Variants in IGF2BP2 observed in about 807,000 individuals in gnomAD.
The protein encoded by IGF2BP2 is insulin like growth factor 2 mRNA binding protein 2.
IGF2BP2 carries 17 observed loss-of-function variants against 75.8 expected under a neutral mutation model. That is an observed-to-expected ratio of 0.22 (90% confidence interval 0.15 to 0.34). IGF2BP2 has a LOEUF of 0.34. Ranked by LOEUF, IGF2BP2 falls within the 10% of genes least tolerant of loss-of-function variation. IGF2BP2 has a pLI of 1.00. For missense variants in IGF2BP2, 516 were observed against 772.4 expected (o/e 0.67, Z 3.93); for synonymous variants, 288 against 295.6 (o/e 0.97, Z 0.26).
intron 7 of IGF2BP2, among the ~76,000 whole-genome samples, chr3:185,681,992 A>G (rs1169523327): frequency 6.6e-6 from 1 of 152,260 alleles, no homozygotes; most frequent in Non-Finnish European, 1.5e-5. Context: ...GATATTGGAC[A>G]TGGCAAAGAC....
intron 2 of IGF2BP2, among the ~76,000 whole-genome samples, chr3:185,767,384 C>G (rs1300127067): frequency 6.6e-6 from 1 of 152,192 alleles, no homozygotes; most frequent in Non-Finnish European, 1.5e-5. Context: ...CAACTTCCCA[C>G]CATCATTACT....
intron 2 of IGF2BP2, among the ~76,000 whole-genome samples, chr3:185,754,075 GGT>G (rs2149652819): frequency 6.6e-6 from 1 of 152,138 alleles, no homozygotes; most frequent in South Asian, 2.1e-4. Flanking sequence ...TGGGTGTTGT[GGT>G]GTGTAGCTGT....
In IGF2BP2 at chr3:185,732,258, C is replaced by T. The variant is rs116057748; in HGVS notation, c.240-33911G>A. Among the ~76,000 whole-genome samples, 676 of 152,252 alleles carry T rather than the reference C, an allele frequency of 4.4e-3. 5 individuals are homozygous for T. The highest frequency in any genetic ancestry group is 0.016 in the African/African-American group (648 of 41,532). The stretch of plus-strand genomic sequence containing the variant: ...TAGAATTTTTTCTTAATCCTGGTAC[C>T]TTCCTCAGTACTTGGCATGCAGAGC... On this transcript the variant is annotated intron_variant, in intron 2 of 15. Coordinates refer to ENST00000382199, the MANE Select transcript of IGF2BP2 (RefSeq NM_006548.6).
intron 2 of IGF2BP2, among the ~76,000 whole-genome samples, chr3:185,787,825 G>A (rs980811387): frequency 6.6e-6 from 1 of 152,036 alleles, no homozygotes; most frequent in African/African-American, 2.4e-5. Context: ...CAGGATGGAT[G>A]CTGTTTTCTC....
chr3:185,744,603 T>C (rs1173821670), intron 2 of IGF2BP2, among the ~76,000 whole-genome samples: 1 of 151,940 alleles, frequency 6.6e-6, no homozygotes, highest in East Asian at 1.9e-4. Flanking sequence ...AGGCCAGGAG[T>C]TTGAGACTAG....
intron 2 of IGF2BP2, among the ~76,000 whole-genome samples, chr3:185,757,380 G>A (rs1054796271): frequency 5.3e-4 from 79 of 149,974 alleles, no homozygotes; most frequent in African/African-American, 1.8e-3. Context: ...AAACAGGGTT[G>A]TTGTTTTTAT....
chr3:185,781,965 T>C (rs1735264223), intron 2 of IGF2BP2, among the ~76,000 whole-genome samples: 1 of 152,174 alleles, frequency 6.6e-6, no homozygotes, highest in African/African-American at 2.4e-5. Flanking sequence ...TTGAAATATT[T>C]TTTTTTAGAA....
intron 2 of IGF2BP2, among the ~76,000 whole-genome samples, chr3:185,728,086 C>G (rs1464538556): frequency 6.6e-6 from 1 of 152,156 alleles, no homozygotes. Context: ...TTACGTATAC[C>G]TGAACTATGT....
intron 2 of IGF2BP2, among the ~76,000 whole-genome samples, chr3:185,814,684 G>C (rs966885041): frequency 1.3e-5 from 2 of 152,082 alleles, no homozygotes; most frequent in African/African-American, 4.8e-5. Context: ...AAAAAGCATG[G>C]CGTCTATCTA....
intron 9 of IGF2BP2, among the ~76,000 whole-genome samples, chr3:185,674,271 G>A (rs1348061036): frequency 6.6e-6 from 1 of 152,184 alleles, no homozygotes; most frequent in Non-Finnish European, 1.5e-5. Flanking sequence ...GGGTTTAGAG[G>A]AAACAAAACA....
At chr3:185,721,095 G>C (rs536064964) in intron 2 of IGF2BP2, among the ~76,000 whole-genome samples, 3 of 152,152 alleles carry the variant, frequency 2.0e-5, no homozygotes, top group African/African-American at 7.2e-5. Flanking sequence ...AGCCCCAGGC[G>C]TCTTAATTAA....
intron 7 of IGF2BP2, among the ~76,000 whole-genome samples, chr3:185,683,629 A>G (rs1221039366): frequency 6.6e-6 from 1 of 152,070 alleles, no homozygotes; most frequent in Non-Finnish European, 1.5e-5. Context: ...GGCCAATCTC[A>G]AACTCCTGAC....
chr3:185,708,989 A>G (rs769912176), intron 2 of IGF2BP2, among the ~76,000 whole-genome samples: 1 of 152,232 alleles, frequency 6.6e-6, no homozygotes. Context: ...TAACAAAACC[A>G]AATTGTGTTT....
intron 2 of IGF2BP2, among the ~76,000 whole-genome samples, chr3:185,806,170 C>G (rs1251957320): frequency 2.0e-5 from 3 of 151,860 alleles, no homozygotes; most frequent in Non-Finnish European, 4.4e-5. Context: ...CTCTAAACTC[C>G]CTGAAGCAGA....
intron 2 of IGF2BP2, among the ~76,000 whole-genome samples, chr3:185,727,524 G>T (rs143868933): frequency 1.3e-5 from 2 of 152,170 alleles, no homozygotes; most frequent in East Asian, 3.9e-4. Flanking sequence ...ACACCTCAGG[G>T]GGCCCCAGAA....
chr3:185,735,601 A>C lies in IGF2BP2; in HGVS notation c.240-37254T>G, dbSNP rs1047956067. Among the ~76,000 whole-genome samples, 3 of 152,206 alleles carry C rather than the reference A, an allele frequency of 2.0e-5. No homozygotes were observed. In the East Asian group the frequency reaches 5.8e-4, roughly 29 times the overall value. On this transcript the variant is annotated intron_variant, in intron 2 of 15. Coordinates refer to ENST00000382199, the MANE Select transcript of IGF2BP2 (RefSeq NM_006548.6). ...GTCTCATGCCAAGTCCTTGGTCAAG[A>C]AAAAAGAGCTAAATTACAGAGTTCC...
intron 2 of IGF2BP2, among the ~76,000 whole-genome samples, chr3:185,752,647 T>C (rs956534833): frequency 5.9e-5 from 9 of 152,040 alleles, no homozygotes; most frequent in Admixed American, 5.2e-4. Context: ...TGGAGTGCAG[T>C]GGCATGATCT....
chr3:185,711,032 C>T (rs1724722847), intron 2 of IGF2BP2, among the ~76,000 whole-genome samples: 2 of 152,002 alleles, frequency 1.3e-5, no homozygotes, highest in Admixed American at 6.6e-5. Context: ...CCTTGAATAG[C>T]CAACTTTAAA....
At chr3:185,687,818 T>C (rs1204267860) in intron 6 of IGF2BP2, among the ~76,000 whole-genome samples, 1 of 152,252 alleles carries the variant, frequency 6.6e-6, no homozygotes, top group African/African-American at 2.4e-5. Flanking sequence ...CATAACTGAT[T>C]ATATCCTTTT....
Sources: gnomAD v4.1 joint callset for allele counts (sites outside exome capture counted in the v4.1 genomes callset) on GRCh38, gnomAD v4.1.1 for gene constraint, MANE v1.5 for transcripts, NCBI Gene and HGNC (gene_info 2026-07-23, HGNC 2026-07-21) for gene names.